CNGA3: variants seen among roughly 807,000 people sequenced by gnomAD.
The protein encoded by CNGA3 is cyclic nucleotide-gated channel alpha-3.
Under a neutral mutation model 46.6 loss-of-function variants are expected in CNGA3, and 42 were observed. That is an observed-to-expected ratio of 0.90 (90% CI 0.70 to 1.17). The LOEUF (loss-of-function observed/expected upper bound fraction) is 1.17, where lower values mean the gene tolerates loss of function less well. CNGA3 is among the 50% of genes most tolerant of loss of function. The pLI is 0.00. For synonymous variants in CNGA3, 394 were observed against 369.4 expected, an observed-to-expected ratio of 1.07 and a Z score of -0.76; for missense variants, 893 against 890.7, an observed-to-expected ratio of 1.00 and a Z score of -0.03.
At chr2:98,380,100 G>A (rs1034865593) in intron 3 of CNGA3, 75 bp from the exon 4 acceptor site, 2 of 1,519,336 alleles carry the variant, frequency 1.3e-6, no homozygotes, top group South Asian at 1.1e-5. Flanking sequence ...GAAAGAGAGA[G>A]AGGGAAAGAC....
At chr2:98,370,925 A>T (rs998535828) in intron 2 of CNGA3, among the ~76,000 whole-genome samples, 1 of 152,134 alleles carries the variant, frequency 6.6e-6, no homozygotes, top group African/African-American at 2.4e-5. Context: ...ACTGGGTTCA[A>T]GTGATTCTCC....
At chr2:98,391,717 A>C in intron 6 of CNGA3, 147 bp from the exon 7 acceptor site, 1 of 724,992 alleles carries the variant, frequency 1.4e-6, no homozygotes, top group East Asian at 2.7e-5. Context: ...AGCGGGGGTG[A>C]TTACACTGAG....
intron 6 of CNGA3, among the ~76,000 whole-genome samples, 177 bp downstream of exon 6, chr2:98,389,951 C>G (rs1397787299): frequency 8.5e-5 from 13 of 152,132 alleles, no homozygotes. Context: ...AGAGGACCAT[C>G]AGAGTGCTCT....
rs146772570 is a variant in CNGA3, at chr2:98,363,332, T to C, written c.-37-6607T>C. On this transcript the variant is annotated intron_variant, in intron 1 of 7. Transcript: ENST00000272602. ...TGTCCTCTCTGATTTCTTTGAGCAG[T>C]GGTTTGTAGTTCTCCTTGATAAGGT... Among the ~76,000 whole-genome samples the C allele has an allele frequency of 8.3e-3, 1,262 of 152,304 alleles. 16 individuals are homozygous for C. Among genetic ancestry groups the C allele is most frequent in the African/African-American group, 0.029 (1,200 of 41,552 alleles).
chr2:98,377,540 A>G (rs974688131), intron 2 of CNGA3, 147 bp from the exon 3 acceptor site: 1 of 745,430 alleles, frequency 1.3e-6, no homozygotes, highest in Non-Finnish European at 2.3e-6. Context: ...TGCAGGAGGC[A>G]AAGGGAAGTG....
At chr2:98,392,119 G>A in intron 7 of CNGA3, 149 bp downstream of exon 7, 2 of 716,244 alleles carry the variant, frequency 2.8e-6, no homozygotes, top group Non-Finnish European at 4.9e-6. Context: ...AGGTGGTGCG[G>A]CCTCAAGCCC....
At chr2:98,352,856 A>C (rs1415837350) in intron 1 of CNGA3, among the ~76,000 whole-genome samples, 1 of 152,220 alleles carries the variant, frequency 6.6e-6, no homozygotes, top group East Asian at 1.9e-4. Context: ...ACAGCAGCTC[A>C]TGGGCTTCTC....
intron 6 of CNGA3, 90 bp from the exon 7 acceptor site, chr2:98,391,774 G>T: frequency 8.2e-7 from 1 of 1,216,598 alleles, no homozygotes; most frequent in Non-Finnish European, 1.2e-6. Flanking sequence ...ATGATCCAGC[G>T]TCTTCCACAC....
Position 98,396,556 on chromosome 2 carries a change from C to T in CNGA3, c.1386C>T (p.Asp462=), listed in dbSNP as rs749493667. 6 of 1,613,908 alleles carry T rather than the reference C, an allele frequency of 3.7e-6. No individual in the cohort carries two copies. In the Admixed American group the frequency reaches 1.0e-4, roughly 27 times the overall value. The change falls in exon 8 of 8, where the codon GAC becomes GAT. Residue 462 remains aspartate (D), a synonymous_variant. Transcript: ENST00000272602. ...DEKEVLKSLP[D]KLKAEIAINV... is the part of the protein sequence containing the mutation. Reference sequence around the variant, plus strand: ...AGGAGGTGCTCAAGAGCCTCCCAGACAAGCTGAAGGCTGAGATCGCCATCA... The same window carrying T: ...AGGAGGTGCTCAAGAGCCTCCCAGATAAGCTGAAGGCTGAGATCGCCATCA...
intron 1 of CNGA3, among the ~76,000 whole-genome samples, chr2:98,363,712 A>T (rs1372703858): frequency 6.6e-6 from 1 of 152,200 alleles, no homozygotes; most frequent in African/African-American, 2.4e-5. Context: ...GGTATGTTCC[A>T]TCAATACCTA....
intron 5 of CNGA3, among the ~76,000 whole-genome samples, chr2:98,385,204 T>A (rs537800285): frequency 1.4e-4 from 21 of 152,146 alleles, no homozygotes; most frequent in Admixed American, 1.2e-3. Context: ...GCAAGCTGAG[T>A]CCGGCGTAAA....
At chr2:98,388,978 T>G (rs183928053) in intron 5 of CNGA3, among the ~76,000 whole-genome samples, 1 of 152,266 alleles carries the variant, frequency 6.6e-6, no homozygotes, top group African/African-American at 2.4e-5. Context: ...CAGTACAGCC[T>G]GTAAACTTGA....
intron 1 of CNGA3, among the ~76,000 whole-genome samples, chr2:98,354,217 T>A (rs1298514826): frequency 6.6e-6 from 1 of 152,246 alleles, no homozygotes; most frequent in Non-Finnish European, 1.5e-5. Context: ...GTTGTATTGT[T>A]ATTCTTTATT....
At chr2:98,348,153 C>T (rs577981490) in intron 1 of CNGA3, among the ~76,000 whole-genome samples, 2 of 152,322 alleles carry the variant, frequency 1.3e-5, no homozygotes, top group East Asian at 3.9e-4. Context: ...CTGCTTCGCA[C>T]CAATGCCCAA....
At chr2:98,364,656 C>T (rs1349554576) in intron 1 of CNGA3, among the ~76,000 whole-genome samples, 2 of 152,144 alleles carry the variant, frequency 1.3e-5, no homozygotes, top group African/African-American at 4.8e-5. Flanking sequence ...ACCCTGTCAT[C>T]ATGATGTCAG....
intron 1 of CNGA3, among the ~76,000 whole-genome samples, chr2:98,351,900 AT>A (rs1691777755): frequency 6.6e-6 from 1 of 152,166 alleles, no homozygotes; most frequent in South Asian, 2.1e-4. Context: ...TAAAATGCAC[AT>A]TTCACTGGTT....
Position 98,397,752 on chromosome 2 carries a change from T to C in CNGA3, c.*497T>C, listed in dbSNP as rs933605223. 1 of 180,212 alleles carries C rather than the reference T, an allele frequency of 5.5e-6. No individual in the cohort carries two copies. The highest frequency in any genetic ancestry group is 1.2e-5 in the Non-Finnish European group (1 of 83,974). The allele number at this position is 180,212 out of a possible 1,614,324, so 11.2% of individuals were successfully genotyped here. A position where few individuals can be genotyped will look rare whatever the true frequency, so the allele number is the denominator to read the frequency against. On this transcript the variant is annotated 3_prime_UTR_variant, in exon 8 of 8. Coordinates refer to ENST00000272602, the MANE Select transcript of CNGA3 (RefSeq NM_001298.3). The stretch of plus-strand genomic sequence containing the variant: ...AGACAGTTTGAGGCATATTTCTTAA[T>C]CTGGTATCACCTCGTGTGTTCTTTG...
At chr2:98,363,623 A>T (rs1692082444) in intron 1 of CNGA3, among the ~76,000 whole-genome samples, 1 of 152,324 alleles carries the variant, frequency 6.6e-6, no homozygotes, top group Non-Finnish European at 1.5e-5. Flanking sequence ...GATTTTGCCC[A>T]TTCAGTATGA....
intron 1 of CNGA3, among the ~76,000 whole-genome samples, chr2:98,348,669 T>G (rs916706510): frequency 6.6e-6 from 1 of 152,222 alleles, no homozygotes. Context: ...TTTTCTCTAC[T>G]GAGGCTGGGG....
Sources: gnomAD v4.1 joint callset for allele counts (sites outside exome capture counted in the v4.1 genomes callset) on GRCh38, gnomAD v4.1.1 for gene constraint, MANE v1.5 for transcripts, NCBI Gene and HGNC (gene_info 2026-07-23, HGNC 2026-07-21) for gene names.